Variants in CAAP1 observed in about 807,000 individuals in gnomAD.
CAAP1 encodes conserved anti-apoptotic protein.
Under a neutral mutation model 34.0 loss-of-function variants are expected in CAAP1, and 20 were observed. The observed-to-expected ratio is 0.59, with a 90% CI of 0.41 to 0.86. The LOEUF (loss-of-function observed/expected upper bound fraction) is 0.86, where lower values mean the gene tolerates loss of function less well. Among genes scored for constraint, CAAP1 ranks in the 40% least tolerant of loss-of-function variants. The pLI, the probability that CAAP1 is intolerant of heterozygous loss-of-function variation, is 0.00. For synonymous variants in CAAP1, 213 were observed against 166.7 expected (o/e 1.28, Z -2.14); for missense variants, 538 against 450.5 (o/e 1.19, Z -1.76).
chr9:26,861,346 A>G (rs1219558122), intron 4 of CAAP1, among the ~76,000 whole-genome samples: 1 of 152,190 alleles, frequency 6.6e-6, no homozygotes, highest in East Asian at 1.9e-4. Context: ...CAATTTAAGC[A>G]GTATACTTCT....
chr9:26,849,016 T>A (rs1195326928), intron 5 of CAAP1, among the ~76,000 whole-genome samples: 1 of 152,222 alleles, frequency 6.6e-6, no homozygotes, highest in East Asian at 1.9e-4. Flanking sequence ...GATGGATTCG[T>A]TTATTTAAAA....
At position 26,842,359 on chromosome 9, in the gene CAAP1, A is replaced by C. The variant is rs1356587696; in HGVS notation, c.1028T>G (p.Met343Arg). ...AQQLELLELEMRARAIKALMK... is the reference protein window; with the variant it reads ...AQQLELLELERRARAIKALMK... ...TAGGGCTTTAATCGCTCTTGCCCTCATCTCAAGTTCTAGCAGCTCCAGTTG... is the reference window on the plus strand; with the variant it reads ...TAGGGCTTTAATCGCTCTTGCCCTCCTCTCAAGTTCTAGCAGCTCCAGTTG... The change falls in exon 6 of 6, where the codon ATG (methionine) becomes AGG (arginine). Residue 343 changes from methionine to arginine, a missense_variant. This residue lies in a region of CAAP1 where 6 missense variants were observed against 19.8 expected (regional missense o/e 0.30). Coordinates refer to ENST00000333916, the MANE Select transcript of CAAP1 (RefSeq NM_024828.4). The C allele has an allele frequency of 6.2e-7, 1 of 1,613,772 alleles. No homozygotes were observed. Among genetic ancestry groups the C allele is most frequent in the African/African-American group, 1.3e-5 (1 of 74,890 alleles).
chr9:26,862,097 T>C (rs1192102650), intron 4 of CAAP1, among the ~76,000 whole-genome samples: 3 of 152,192 alleles, frequency 2.0e-5, no homozygotes, highest in Non-Finnish European at 4.4e-5. Context: ...AAATTTATAA[T>C]TGAGATCTCA....
At chr9:26,848,988 G>A (rs1822681422) in intron 5 of CAAP1, among the ~76,000 whole-genome samples, 1 of 152,160 alleles carries the variant, frequency 6.6e-6, no homozygotes, top group East Asian at 1.9e-4. Flanking sequence ...TCATTCTGCT[G>A]TCTAGACACT....
chr9:26,844,218 G>A (rs999209519), intron 5 of CAAP1, among the ~76,000 whole-genome samples: 2 of 152,138 alleles, frequency 1.3e-5, no homozygotes, highest in Non-Finnish European at 2.9e-5. Flanking sequence ...TTGGCCAGGC[G>A]TAGGGGCACA....
chr9:26,853,917 T>C (rs922866383), intron 5 of CAAP1, among the ~76,000 whole-genome samples: 1 of 152,202 alleles, frequency 6.6e-6, no homozygotes, highest in Non-Finnish European at 1.5e-5. Context: ...CTATCCCTAG[T>C]GCCTAGAACA....
chr9:26,866,215 G>A (rs573170353), intron 4 of CAAP1, among the ~76,000 whole-genome samples: 1 of 152,088 alleles, frequency 6.6e-6, no homozygotes, highest in South Asian at 2.1e-4. Flanking sequence ...TTTATGTTCT[G>A]GTATACCAAA....
intron 4 of CAAP1, among the ~76,000 whole-genome samples, chr9:26,877,087 C>T (rs1038654863): frequency 3.9e-5 from 6 of 152,222 alleles, no homozygotes; most frequent in African/African-American, 1.4e-4. Flanking sequence ...GAGTTTGAGG[C>T]TACAGTGAGC....
chr9:26,879,571 G>A (rs549846228), intron 4 of CAAP1, among the ~76,000 whole-genome samples: 2 of 152,190 alleles, frequency 1.3e-5, no homozygotes, highest in Non-Finnish European at 2.9e-5. Flanking sequence ...TGTTGCCAAA[G>A]GAGATTAACA....
At chr9:26,869,594 A>C (rs1823224432) in intron 4 of CAAP1, among the ~76,000 whole-genome samples, 2 of 152,232 alleles carry the variant, frequency 1.3e-5, no homozygotes, top group African/African-American at 4.8e-5. Context: ...ACTTTTCAGC[A>C]ACCCGAGCTT....
At chr9:26,885,100 G>A (rs1194390628) in intron 3 of CAAP1, among the ~76,000 whole-genome samples, 13 of 137,820 alleles carry the variant, frequency 9.4e-5, no homozygotes, top group Admixed American at 3.0e-4. Flanking sequence ...TTTTTTAGAC[G>A]GAGTGTCACA....
chr9:26,886,059 G>A (rs771302826), intron 3 of CAAP1, 45 bp downstream of exon 3: 5 of 934,730 alleles, frequency 5.3e-6, no homozygotes, highest in South Asian at 3.6e-5. Context: ...GCTGAATATA[G>A]TATTAACTAA....
At chr9:26,864,364 G>T (rs1468298036) in intron 4 of CAAP1, among the ~76,000 whole-genome samples, 1 of 151,974 alleles carries the variant, frequency 6.6e-6, no homozygotes, top group African/African-American at 2.4e-5. Flanking sequence ...TAAATATGGG[G>T]GGTGGGGGTA....
intron 5 of CAAP1, among the ~76,000 whole-genome samples, chr9:26,855,323 G>T (rs149463996): frequency 1.3e-3 from 204 of 152,314 alleles, no homozygotes; most frequent in African/African-American, 4.6e-3. Context: ...CAGGAGTTGG[G>T]GGGGAGAGAG....
intron 4 of CAAP1, among the ~76,000 whole-genome samples, chr9:26,874,094 C>A (rs1351295335): frequency 6.6e-6 from 1 of 150,424 alleles, no homozygotes; most frequent in Non-Finnish European, 1.5e-5. Context: ...GTGGTCCCAG[C>A]TGCTCGGGAG....
At chr9:26,871,748 A>C (rs1185590542) in intron 4 of CAAP1, among the ~76,000 whole-genome samples, 1 of 151,506 alleles carries the variant, frequency 6.6e-6, no homozygotes, top group Non-Finnish European at 1.5e-5. Context: ...ACATGGTGAA[A>C]CCCCATCTCT....
chr9:26,857,089 GT>G (rs147503213), intron 5 of CAAP1, among the ~76,000 whole-genome samples: 5,400 of 152,208 alleles, frequency 0.035, 160 homozygotes, highest in South Asian at 0.097. Flanking sequence ...ACCTTCAACA[GT>G]TTTTATTTTT....
At chr9:26,885,370 C>T (rs186548195) in intron 3 of CAAP1, among the ~76,000 whole-genome samples, 2,038 of 152,082 alleles carry the variant, frequency 0.013, 30 homozygotes, top group Non-Finnish European at 0.019. Context: ...CCATCGCGCC[C>T]GGCCTCATTG....
In CAAP1 at chr9:26,859,477, C is replaced by T. The variant is rs371295764; in HGVS notation, c.739+1589G>A. ...CCTGCCCATTCTAGCTTTTCTTATC[C>T]TTTATAGAACATTCTCTTCTCCTCA... On this transcript the variant is annotated intron_variant, in intron 5 of 5. Coordinates refer to ENST00000333916, the MANE Select transcript of CAAP1 (RefSeq NM_024828.4). 3.9e-5 allele frequency among the ~76,000 whole-genome samples: 6 copies of T among 152,212 alleles called. No homozygotes were observed. The East Asian group carries it at 5.8e-4, about 15-fold the overall frequency.
Sources: gnomAD v4.1 joint callset for allele counts (sites outside exome capture counted in the v4.1 genomes callset) on GRCh38, gnomAD v4.1.1 for gene constraint, gnomAD v4.1.1 regional missense constraint, MANE v1.5 for transcripts, NCBI Gene and HGNC (gene_info 2026-07-23, HGNC 2026-07-21) for gene names.